Variants in FAM20C observed in about 807,000 individuals in gnomAD.
FAM20C encodes extracellular serine/threonine protein kinase FAM20C.
A neutral mutation model predicts 51.5 loss-of-function variants in FAM20C; 40 were observed. That is an observed-to-expected ratio of 0.78 (90% confidence interval 0.60 to 1.01). The LOEUF (loss-of-function observed/expected upper bound fraction) is 1.01, where lower values mean the gene tolerates loss of function less well. FAM20C is among the 50% of genes least tolerant of loss of function. The probability of loss-of-function intolerance (pLI) is 0.00; values close to 1 mark genes in which losing one functional copy is unlikely to be tolerated. For missense variants in FAM20C, 861 were observed against 844.7 expected (o/e 1.02, Z -0.24); for synonymous variants, 406 against 380.6 (o/e 1.07, Z -0.78).
At chr7:198,850 G>A (rs1346671479) in intron 2 of FAM20C, among the ~76,000 whole-genome samples, 1 of 152,234 alleles carries the variant, frequency 6.6e-6, no homozygotes, top group African/African-American at 2.4e-5. Context: ...TCTCATCTGG[G>A]GAAGCCAGGG....
rs755402466 is a variant in FAM20C, at chr7:246,534, C to T, written c.956+27C>T. On this transcript the variant is annotated intron_variant, in intron 4 of 9. Transcript: ENST00000313766. Reference sequence around the variant, plus strand: ...TGAGCCCTTCCTTCCTCCCTCCATCCGCGCTCCCGTGCGCTCAGACCCACC... The same window carrying T: ...TGAGCCCTTCCTTCCTCCCTCCATCTGCGCTCCCGTGCGCTCAGACCCACC... 4.2e-5 allele frequency: 63 copies of T among 1,486,664 alleles called. 1 individual carries two copies. The South Asian group carries it at 4.4e-4, about 11-fold the overall frequency. 92.1% of individuals were successfully genotyped at this position (1,486,664 alleles called of 1,614,324 possible).
intron 3 of FAM20C, chr7:229,464 G>T (rs571670780): frequency 6.3e-6 from 1 of 159,166 alleles, no homozygotes; most frequent in Admixed American, 5.8e-5. Context: ...GCCCAATGGG[G>T]CCCCTCCTGC....
At chr7:257,762 G>GTGGGGTGGACC (rs1788644397) in intron 8 of FAM20C, among the ~76,000 whole-genome samples, 1 of 140,206 alleles carries the variant, frequency 7.1e-6, no homozygotes, top group Non-Finnish European at 1.6e-5. Context: ...CTGGAGATGG[G>GTGGGGTGGACC]CAGGGTGGAC....
At chr7:252,563 A>AC (rs1005172054) in intron 5 of FAM20C, among the ~76,000 whole-genome samples, 4 of 152,036 alleles carry the variant, frequency 2.6e-5, no homozygotes, top group African/African-American at 7.2e-5. Context: ...CACTGCAGAC[A>AC]CCCCCTCGGC....
At chr7:230,273 C>T (rs1263398504) in intron 3 of FAM20C, among the ~76,000 whole-genome samples, 1 of 149,290 alleles carries the variant, frequency 6.7e-6, no homozygotes, top group African/African-American at 2.5e-5. Flanking sequence ...CTGGAGCCCC[C>T]AGAGCTGGGA....
chr7:256,324 T>C, intron 6 of FAM20C: 2 of 574,528 alleles, frequency 3.5e-6, no homozygotes, highest in Non-Finnish European at 6.2e-6. Context: ...TCCTCACTCC[T>C]GCGGGAGAAA....
At chr7:218,436 TGACGG>T (rs1251409106) in intron 3 of FAM20C, among the ~76,000 whole-genome samples, 1 of 152,218 alleles carries the variant, frequency 6.6e-6, no homozygotes, top group Non-Finnish European at 1.5e-5. Context: ...GTGGCCCCTC[TGACGG>T]GACTGCACGA....
At chr7:230,385 G>GGGGGGGGAA (rs56402190) in intron 3 of FAM20C, among the ~76,000 whole-genome samples, 3 of 104,640 alleles carry the variant, frequency 2.9e-5, no homozygotes, top group Non-Finnish European at 6.2e-5. Flanking sequence ...GGGGGGGGGG[G>GGGGGGGGAA]AACAGATCCC....
chr7:247,241 C>A (rs1788202484), intron 4 of FAM20C, among the ~76,000 whole-genome samples: 1 of 152,212 alleles, frequency 6.6e-6, no homozygotes, highest in African/African-American at 2.4e-5. Flanking sequence ...CTTGGCCCTG[C>A]TGCTGGGAAA....
chr7:242,772 G>A (rs1189053136), intron 3 of FAM20C, among the ~76,000 whole-genome samples: 8 of 152,178 alleles, frequency 5.3e-5, no homozygotes, highest in Non-Finnish European at 1.0e-4. Flanking sequence ...GTTGGACAGC[G>A]CAGAAGGTCA....
intron 3 of FAM20C, among the ~76,000 whole-genome samples, chr7:232,703 G>C (rs893472258): frequency 2.0e-5 from 3 of 152,200 alleles, no homozygotes; most frequent in Admixed American, 6.5e-5. Context: ...AAGGTGCCAC[G>C]TGGTCCTAAC....
intron 3 of FAM20C, among the ~76,000 whole-genome samples, chr7:234,091 C>A (rs1489727507): frequency 6.6e-6 from 1 of 152,222 alleles, no homozygotes; most frequent in East Asian, 1.9e-4. Context: ...CTTTCTGGTG[C>A]CCTTTGAGGC....
chr7:195,597 G>T lies in FAM20C; in HGVS notation c.649G>T (p.Glu217Ter). The change falls in exon 2 of 10, where the codon GAG becomes TAG. Residue 217 changes from glutamate to a stop codon, truncating the protein, a stop_gained. Transcript: ENST00000313766. LOFTEE classifies it high-confidence loss of function. The part of the protein sequence containing the change: ...AEGAEFLSPG[E>*]AAVDSYPNWL... ...AGGTGCAGAATTCCTCTCCCCCGGG[G>T]AGGCGGCCGTGGACTCCTATCCCAA... The T allele has an allele frequency of 6.2e-7, 1 of 1,601,958 alleles. No individual in the cohort carries two copies. Among genetic ancestry groups the T allele is most frequent in the Non-Finnish European group, 8.5e-7 (1 of 1,173,700 alleles).
intron 3 of FAM20C, chr7:228,551 G>A (rs756925374): frequency 1.2e-4 from 55 of 456,104 alleles, no homozygotes; most frequent in South Asian, 8.4e-4. Context: ...GGTGGAAGGG[G>A]AGACGCCCGC....
chr7:203,133 C>T (rs1437826264), intron 2 of FAM20C, among the ~76,000 whole-genome samples: 1 of 152,146 alleles, frequency 6.6e-6, no homozygotes, highest in Non-Finnish European at 1.5e-5. Flanking sequence ...ATGCCCCCGC[C>T]TCAGCCGGCT....
chr7:251,205 G>GGCACGGCGGCTCACGC (rs1788386787), intron 5 of FAM20C, among the ~76,000 whole-genome samples: 2 of 61,050 alleles, frequency 3.3e-5, no homozygotes, highest in Admixed American at 1.4e-4. Context: ...GCGGCTCACG[G>GGCACGGCGGCTCACGC]CTGCACTGAG....
rs926504482 is a variant in FAM20C, at chr7:198,534, A to G, written c.784+2802A>G. 2.6e-5 allele frequency among the ~76,000 whole-genome samples: 4 copies of G among 152,306 alleles called. No individual in the cohort carries two copies. In the East Asian group the frequency reaches 7.7e-4, roughly 29 times the overall value. On this transcript the variant is annotated intron_variant, in intron 2 of 9. Transcript: ENST00000313766. ...TTTTTCTCTGTTACATTGAATAGTC[A>G]CATGTTCCTCTGAGGAACAGGAGTG...
At chr7:259,412 C>T (rs749900356) in intron 9 of FAM20C, among the ~76,000 whole-genome samples, 3 of 89,948 alleles carry the variant, frequency 3.3e-5, no homozygotes, top group African/African-American at 1.4e-4. Context: ...GCCCCTCTCT[C>T]GCGGTCTCTC....
chr7:255,808 C>T (rs773030209), intron 5 of FAM20C, 41 bp from the exon 6 acceptor site: 6 of 1,534,482 alleles, frequency 3.9e-6, no homozygotes, highest in Middle Eastern at 1.7e-4. Flanking sequence ...GAGGACGCAG[C>T]CCTGTGCGGC....
Sources: gnomAD v4.1 joint callset for allele counts (sites outside exome capture counted in the v4.1 genomes callset) on GRCh38, gnomAD v4.1.1 for gene constraint, MANE v1.5 for transcripts, NCBI Gene and HGNC (gene_info 2026-07-23, HGNC 2026-07-21) for gene names.